CYTH3: variants seen among roughly 807,000 people sequenced by gnomAD.
CYTH3 encodes cytohesin 3.
Under a neutral mutation model 55.1 loss-of-function variants are expected in CYTH3, and 23 were observed. That is an observed-to-expected ratio of 0.42 (90% CI 0.30 to 0.59). The LOEUF is 0.59. Among genes scored for constraint, CYTH3 ranks in the 20% least tolerant of loss-of-function variants. The pLI is 0.20. For synonymous variants in CYTH3, 249 were observed against 194.9 expected (o/e 1.28, Z -2.31); for missense variants, 413 against 524.8 (o/e 0.79, Z 2.08).
At chr7:6,172,760 C>A in intron 6 of CYTH3, 1 of 1,256,650 alleles carries the variant, frequency 8.0e-7, no homozygotes. Flanking sequence ...GGATGTACAG[C>A]TTCCAGAAAC....
chr7:6,183,329 T>C (rs997034742), intron 4 of CYTH3, among the ~76,000 whole-genome samples: 8 of 152,240 alleles, frequency 5.3e-5, no homozygotes, highest in Non-Finnish European at 1.0e-4. Flanking sequence ...ATTTATCTTC[T>C]TCCAGGGATT....
At chr7:6,165,639 G>C in intron 10 of CYTH3, 23 bp from the exon 11 acceptor site, 1 of 1,613,242 alleles carries the variant, frequency 6.2e-7, no homozygotes, top group Non-Finnish European at 8.5e-7. Context: ...AGTACACGGC[G>C]GGGCTCACTG....
chr7:6,186,586 G>A (rs527360586), intron 4 of CYTH3, among the ~76,000 whole-genome samples: 1 of 152,292 alleles, frequency 6.6e-6, no homozygotes, highest in South Asian at 2.1e-4. Flanking sequence ...GGTGAATGGA[G>A]GAATAAAGTC....
At chr7:6,194,445 C>T (rs1783871429) in intron 1 of CYTH3, among the ~76,000 whole-genome samples, 1 of 152,084 alleles carries the variant, frequency 6.6e-6, no homozygotes, top group Admixed American at 6.6e-5. Flanking sequence ...ACTCCCATCT[C>T]TTTAAAAATA....
intron 1 of CYTH3, among the ~76,000 whole-genome samples, chr7:6,213,446 A>G (rs1438833566): frequency 6.6e-6 from 1 of 152,174 alleles, no homozygotes; most frequent in African/African-American, 2.4e-5. Flanking sequence ...GAGGGCTTTA[A>G]TAACGTTGGT....
intron 6 of CYTH3, chr7:6,172,955 G>T: frequency 8.7e-7 from 1 of 1,146,600 alleles, no homozygotes; most frequent in South Asian, 1.7e-5. Context: ...CGAGAACAAG[G>T]TATGAAGCCG....
At chr7:6,267,033 TAGTG>T (rs1265215022) in intron 1 of CYTH3, among the ~76,000 whole-genome samples, 2 of 152,198 alleles carry the variant, frequency 1.3e-5, no homozygotes, top group African/African-American at 4.8e-5. Context: ...GCCCTTGCAA[TAGTG>T]AGTGAGGACT....
chr7:6,210,817 A>G (rs1784304777), intron 1 of CYTH3, among the ~76,000 whole-genome samples: 1 of 152,224 alleles, frequency 6.6e-6, no homozygotes, highest in South Asian at 2.1e-4. Flanking sequence ...TCTTCCAAGA[A>G]AACAGTTGGG....
At chr7:6,266,733 C>T (rs1052825758) in intron 1 of CYTH3, among the ~76,000 whole-genome samples, 6 of 152,252 alleles carry the variant, frequency 3.9e-5, no homozygotes, top group Admixed American at 1.3e-4. Flanking sequence ...CCTCTCCCAT[C>T]CCACACTTTC....
Position 6,174,551 on chromosome 7 carries a change from T to G in CYTH3, c.369-818A>C, listed in dbSNP as rs552896328. ...TATCTCCTTGTGGGTTTTTTTTTTTTTTTTTTTTTTTTTCCAGACAGAGTC... is the reference window on the plus strand; with the variant it reads ...TATCTCCTTGTGGGTTTTTTTTTTTGTTTTTTTTTTTTTCCAGACAGAGTC... On this transcript the variant is annotated intron_variant, in intron 5 of 12. Coordinates refer to ENST00000350796, the MANE Select transcript of CYTH3 (RefSeq NM_004227.4). 1.4e-4 allele frequency among the ~76,000 whole-genome samples: 20 copies of G among 144,152 alleles called. No homozygotes were observed. The East Asian group carries it at 2.2e-3, about 16-fold the overall frequency. 94.6% of individuals were successfully genotyped at this position (144,152 alleles called of 152,430 possible).
chr7:6,247,240 C>G (rs1039613892), intron 1 of CYTH3, among the ~76,000 whole-genome samples: 2 of 152,334 alleles, frequency 1.3e-5, no homozygotes, highest in African/African-American at 4.8e-5. Context: ...TTAGCCTCAG[C>G]TCCACGACAC....
intron 1 of CYTH3, among the ~76,000 whole-genome samples, chr7:6,199,823 C>CA (rs1311417249): frequency 6.6e-6 from 1 of 152,044 alleles, no homozygotes; most frequent in Non-Finnish European, 1.5e-5. Flanking sequence ...GGGTTAATAA[C>CA]AAATATAAAA....
rs905001818 is a variant in CYTH3 at position 6,184,203 on chromosome 7, G to A, written c.249+2847C>T. 4.6e-5 allele frequency among the ~76,000 whole-genome samples: 7 copies of A among 151,926 alleles called. No individual in the cohort carries two copies. In the Middle Eastern group the frequency reaches 0.01, roughly 221 times the overall value. On this transcript the variant is annotated intron_variant, in intron 4 of 12. Transcript: ENST00000350796. ...AGCCTCCCGAGTAGCTGGGACTACAGGCGCCCGTCACCACACCCGGCTAAT... is the reference window on the plus strand; with the variant it reads ...AGCCTCCCGAGTAGCTGGGACTACAAGCGCCCGTCACCACACCCGGCTAAT...
chr7:6,172,727 T>A lies in CYTH3; in HGVS notation c.449+926A>T, dbSNP rs543473950. The A allele has an allele frequency of 6.0e-5, 70 of 1,165,946 alleles. No homozygotes were observed. The Admixed American group carries it at 2.3e-3, about 39-fold the overall frequency. 72.2% of individuals were successfully genotyped at this position (1,165,946 alleles called of 1,614,324 possible). Reference sequence around the variant, plus strand: ...GCCGCACCAGACACCCCTCCCAGACTCACCAGGCCTGCACCCTTCTCTGGA... The same window carrying A: ...GCCGCACCAGACACCCCTCCCAGACACACCAGGCCTGCACCCTTCTCTGGA... On this transcript the variant is annotated intron_variant, in intron 6 of 12. Transcript: ENST00000350796.
rs1301479282 is a variant in CYTH3 at position 6,171,156 on chromosome 7, G to A, written c.562+46C>T. On this transcript the variant is annotated intron_variant, in intron 7 of 12. Transcript: ENST00000350796. The surrounding 1 kb of genome is among the most constrained non-coding windows in gnomAD (Gnocchi z 6.7). ...CACAGGGGCCGCCCCCTCCAGAGCTGGAGGCTGTGCCTGGCAAGGGGCCAG... is the reference window on the plus strand; with the variant it reads ...CACAGGGGCCGCCCCCTCCAGAGCTAGAGGCTGTGCCTGGCAAGGGGCCAG... 4 of 1,607,636 alleles carry A rather than the reference G, an allele frequency of 2.5e-6. No individual in the cohort carries two copies. The highest frequency in any genetic ancestry group is 4.5e-5 in the East Asian group (2 of 44,780).
At chr7:6,186,292 G>A (rs1294912285) in intron 4 of CYTH3, among the ~76,000 whole-genome samples, 1 of 150,422 alleles carries the variant, frequency 6.6e-6, no homozygotes, top group African/African-American at 2.5e-5. Flanking sequence ...GACCACAGGA[G>A]TGGCGTGAAC....
At chr7:6,260,600 TC>T (rs754450977) in intron 1 of CYTH3, among the ~76,000 whole-genome samples, 4 of 152,132 alleles carry the variant, frequency 2.6e-5, no homozygotes, top group Non-Finnish European at 4.4e-5. Flanking sequence ...TTCTTTAACA[TC>T]ACCAAGTCCA....
intron 1 of CYTH3, among the ~76,000 whole-genome samples, chr7:6,224,763 T>C (rs562232052): frequency 2.2e-4 from 34 of 152,336 alleles, no homozygotes; most frequent in African/African-American, 8.2e-4. Context: ...ACACGAATGT[T>C]CATAGCAGCA....
intron 1 of CYTH3, among the ~76,000 whole-genome samples, chr7:6,202,622 C>T (rs922776150): frequency 1.3e-5 from 2 of 152,154 alleles, no homozygotes; most frequent in African/African-American, 4.8e-5. Context: ...CGCCGCCACG[C>T]CCAACTAATT....
Sources: gnomAD v4.1 joint callset for allele counts (sites outside exome capture counted in the v4.1 genomes callset) on GRCh38, gnomAD v4.1.1 for gene constraint, Gnocchi (gnomAD v3.1) non-coding constraint, MANE v1.5 for transcripts, NCBI Gene and HGNC (gene_info 2026-07-23, HGNC 2026-07-21) for gene names.